ZBTB16: variants seen among roughly 807,000 people sequenced by gnomAD.
ZBTB16 encodes zinc finger and BTB domain containing 16, also known as zinc finger and BTB domain-containing protein 16.
ZBTB16 carries 8 observed loss-of-function variants against 56.8 expected under a neutral mutation model. That is an observed-to-expected ratio of 0.14 (90% confidence interval 0.08 to 0.25). The LOEUF (loss-of-function observed/expected upper bound fraction) is 0.25. Ranked by LOEUF, ZBTB16 falls within the 10% of genes least tolerant of loss-of-function variation. ZBTB16 has a pLI of 1.00. For synonymous variants in ZBTB16, 363 were observed against 368.5 expected (o/e 0.98, Z 0.17); for missense variants, 625 against 903.0 (o/e 0.69, Z 3.95).
At chr11:114,175,978 GGT>G (rs34506617) in intron 3 of ZBTB16, among the ~76,000 whole-genome samples, 48,419 of 147,642 alleles carry the variant, frequency 0.33, 7,820 homozygotes, top group African/African-American at 0.37. Context: ...AGGGGAGAGG[GGT>G]GTGTGTGTGT....
intron 2 of ZBTB16, among the ~76,000 whole-genome samples, chr11:114,096,067 T>C (rs1299997356): frequency 2.0e-5 from 3 of 152,158 alleles, no homozygotes; most frequent in African/African-American, 2.4e-5. Context: ...CTTAAGACAC[T>C]GTATTAAAAA....
At chr11:114,176,806 A>C (rs1457558543) in intron 3 of ZBTB16, among the ~76,000 whole-genome samples, 2 of 152,214 alleles carry the variant, frequency 1.3e-5, no homozygotes, top group Admixed American at 1.3e-4. Flanking sequence ...ACCGCAAGTC[A>C]GTTTCTTTTG....
chr11:114,213,801 C>T (rs1398530623), intron 4 of ZBTB16, among the ~76,000 whole-genome samples: 2 of 152,140 alleles, frequency 1.3e-5, no homozygotes, highest in Admixed American at 6.5e-5. Context: ...TTGTTGTTAT[C>T]CTGGTTTTAG....
chr11:114,157,575 G>T, intron 3 of ZBTB16, among the ~76,000 whole-genome samples: 1 of 152,174 alleles, frequency 6.6e-6, no homozygotes, highest in East Asian at 1.9e-4. Context: ...TGCCTGCCTG[G>T]CCGTTTAGTA....
At chr11:114,198,368 C>A (rs1943653171) in intron 4 of ZBTB16, among the ~76,000 whole-genome samples, 1 of 149,302 alleles carries the variant, frequency 6.7e-6, no homozygotes, top group Non-Finnish European at 1.5e-5. Flanking sequence ...ACTATAAAGG[C>A]ATGTTTGATG....
At chr11:114,068,059 A>AC (rs1939188566) in intron 2 of ZBTB16, among the ~76,000 whole-genome samples, 1 of 104,284 alleles carries the variant, frequency 9.6e-6, no homozygotes, top group South Asian at 3.9e-4. Flanking sequence ...AAAAGCCAAG[A>AC]CAAAAAAAAA....
Position 114,256,644 on chromosome 11 carries a change from G to T in ZBTB16, c.*6089G>T, listed in dbSNP as rs905471441. Among the ~76,000 whole-genome samples the T allele has an allele frequency of 1.3e-5, 2 of 152,172 alleles. No homozygotes were observed. Among genetic ancestry groups the T allele is most frequent in the Non-Finnish European group, 2.9e-5 (2 of 68,022 alleles). On this transcript the variant is annotated 3_prime_UTR_variant, in exon 7 of 7. Coordinates refer to ENST00000335953, the MANE Select transcript of ZBTB16 (RefSeq NM_006006.6). ...TCAAAGGTCCCTGCCTGCGTCTGTA[G>T]CAGCCAAGAGCTGTTAAGAAAGGAG...
intron 2 of ZBTB16, among the ~76,000 whole-genome samples, chr11:114,102,635 A>G (rs1940654688): frequency 7.5e-6 from 1 of 132,468 alleles, no homozygotes; most frequent in Non-Finnish European, 1.5e-5. Flanking sequence ...GGATGATTTT[A>G]GCATATGTAG....
At chr11:114,147,046 T>G (rs1942126647) in intron 2 of ZBTB16, among the ~76,000 whole-genome samples, 1 of 152,232 alleles carries the variant, frequency 6.6e-6, no homozygotes, top group African/African-American at 2.4e-5. Context: ...TTATCTTGTG[T>G]TCATAATTGA....
At chr11:114,248,901 T>G (rs1385081580) in intron 6 of ZBTB16, among the ~76,000 whole-genome samples, 1 of 152,214 alleles carries the variant, frequency 6.6e-6, no homozygotes, top group Non-Finnish European at 1.5e-5. Flanking sequence ...TAGATCACTT[T>G]GGCTGTTCAT....
At chr11:114,128,026 G>A (rs1941558654) in intron 2 of ZBTB16, among the ~76,000 whole-genome samples, 1 of 152,156 alleles carries the variant, frequency 6.6e-6, no homozygotes, top group African/African-American at 2.4e-5. Flanking sequence ...AGCAAGTTAA[G>A]AAAGATTCAG....
chr11:114,167,576 A>G (rs1942822184), intron 3 of ZBTB16, among the ~76,000 whole-genome samples: 1 of 152,030 alleles, frequency 6.6e-6, no homozygotes, highest in African/African-American at 2.4e-5. Flanking sequence ...ACCACAATGC[A>G]TAAATGTCCT....
chr11:114,151,296 T>G (rs1010698813), intron 2 of ZBTB16, among the ~76,000 whole-genome samples: 2 of 151,964 alleles, frequency 1.3e-5, no homozygotes, highest in Non-Finnish European at 2.9e-5. Flanking sequence ...ATAGGGTGAG[T>G]TGGGAAGGAT....
intron 4 of ZBTB16, chr11:114,187,468 A>G (rs1943389247): frequency 4.0e-6 from 1 of 249,276 alleles, no homozygotes; most frequent in Non-Finnish European, 8.0e-6. Context: ...GAGCTGAGAC[A>G]TTGTCTAAAA....
At chr11:114,109,301 G>A (rs1414492824) in intron 2 of ZBTB16, among the ~76,000 whole-genome samples, 2 of 152,200 alleles carry the variant, frequency 1.3e-5, no homozygotes, top group Non-Finnish European at 2.9e-5. Flanking sequence ...CTGGTCTGTG[G>A]TGAGTGAGGT....
intron 2 of ZBTB16, among the ~76,000 whole-genome samples, chr11:114,072,384 G>A (rs1042412280): frequency 2.6e-5 from 4 of 152,210 alleles, no homozygotes; most frequent in African/African-American, 7.2e-5. Context: ...CTGCCATCGG[G>A]TCCAAATGCC....
At chr11:114,235,030 C>A (rs1944534673) in intron 4 of ZBTB16, among the ~76,000 whole-genome samples, 2 of 150,996 alleles carry the variant, frequency 1.3e-5, no homozygotes, top group African/African-American at 4.9e-5. Context: ...AAAGACATAT[C>A]TGAAGGATTT....
In ZBTB16 at chr11:114,183,198, G is replaced by A. The variant is rs140096728; in HGVS notation, c.1367-3754G>A. Among the ~76,000 whole-genome samples, 40 of 152,320 alleles carry A rather than the reference G, an allele frequency of 2.6e-4. 1 individual carries two copies. The East Asian group carries it at 7.1e-3, about 27-fold the overall frequency. Reference sequence around the variant, plus strand: ...GAGCTGACGTTTGTGTTATCCACGTGTAAGGAGGGACCTGGCCCAGAGTCA... The same window carrying A: ...GAGCTGACGTTTGTGTTATCCACGTATAAGGAGGGACCTGGCCCAGAGTCA... On this transcript the variant is annotated intron_variant, in intron 3 of 6. Coordinates refer to ENST00000335953, the MANE Select transcript of ZBTB16 (RefSeq NM_006006.6).
intron 2 of ZBTB16, among the ~76,000 whole-genome samples, chr11:114,134,016 G>A (rs1461434003): frequency 1.3e-5 from 2 of 152,222 alleles, no homozygotes; most frequent in Non-Finnish European, 2.9e-5. Flanking sequence ...CTTGGCAGGT[G>A]TGAAGTGTGG....
Sources: gnomAD v4.1 joint callset for allele counts (sites outside exome capture counted in the v4.1 genomes callset) on GRCh38, gnomAD v4.1.1 for gene constraint, MANE v1.5 for transcripts, NCBI Gene and HGNC (gene_info 2026-07-23, HGNC 2026-07-21) for gene names.